Variants in AGBL4 observed in about 807,000 individuals in gnomAD.
AGBL4 encodes cytosolic carboxypeptidase 6.
In AGBL4, 58 loss-of-function variants were observed where a neutral mutation model predicts 66.4. The observed-to-expected ratio is 0.87, with a 90% confidence interval of 0.71 to 1.09. AGBL4 has a LOEUF of 1.09. Ranked by LOEUF, AGBL4 falls within the 50% of genes least tolerant of loss-of-function variation. The pLI is 0.00. For synonymous variants in AGBL4, 234 were observed against 222.9 expected (o/e 1.05, Z -0.44); for missense variants, 579 against 631.0 (o/e 0.92, Z 0.88).
chr1:48,897,174 A>G (rs993905849), intron 5 of AGBL4, among the ~76,000 whole-genome samples: 3 of 152,222 alleles, frequency 2.0e-5, no homozygotes, highest in Middle Eastern at 3.4e-3. Flanking sequence ...GTAACCACCA[A>G]TGTACTCTGT....
chr1:49,429,218 C>T (rs577138331), intron 3 of AGBL4, among the ~76,000 whole-genome samples: 8 of 152,226 alleles, frequency 5.3e-5, no homozygotes, highest in African/African-American at 7.2e-5. Context: ...GTGTCCATAA[C>T]AGCTCAGTCT....
chr1:48,717,536 G>A (rs542262224), intron 6 of AGBL4, among the ~76,000 whole-genome samples: 4 of 152,154 alleles, frequency 2.6e-5, no homozygotes, highest in Non-Finnish European at 2.9e-5. Flanking sequence ...GTGTGTGTGC[G>A]CGCGTGCATG....
chr1:49,896,834 A>T (rs1362992825), intron 1 of AGBL4, among the ~76,000 whole-genome samples: 2 of 152,078 alleles, frequency 1.3e-5, no homozygotes, highest in African/African-American at 4.8e-5. Context: ...GATACATCAT[A>T]TAAACAGAAT....
At chr1:49,557,961 C>T (rs1367762368) in intron 3 of AGBL4, among the ~76,000 whole-genome samples, 1 of 151,742 alleles carries the variant, frequency 6.6e-6, no homozygotes, top group African/African-American at 2.4e-5. Flanking sequence ...CATAATAGGG[C>T]ACCAGTTAAG....
chr1:49,214,112 T>C (rs1648888755), intron 4 of AGBL4, among the ~76,000 whole-genome samples: 1 of 152,116 alleles, frequency 6.6e-6, no homozygotes, highest in African/African-American at 2.4e-5. Context: ...GACAGACACA[T>C]AAACAGAGTT....
At chr1:49,809,308 C>A (rs1645045714) in intron 2 of AGBL4, among the ~76,000 whole-genome samples, 1 of 131,442 alleles carries the variant, frequency 7.6e-6, no homozygotes, top group Non-Finnish European at 1.6e-5. Context: ...CCTCCCCCCT[C>A]CCCCCACGAC....
At chr1:49,996,411 T>A (rs7550208) in intron 1 of AGBL4, among the ~76,000 whole-genome samples, 48,133 of 151,690 alleles carry the variant, frequency 0.32, 8,397 homozygotes, top group East Asian at 0.73. Flanking sequence ...CTTAGAGAAA[T>A]GCAAAATACA....
chr1:49,907,487 T>C (rs1300641055), intron 1 of AGBL4, among the ~76,000 whole-genome samples: 1 of 152,160 alleles, frequency 6.6e-6, no homozygotes, highest in Non-Finnish European at 1.5e-5. Flanking sequence ...TTCCATTAAA[T>C]TTCATTAAAT....
chr1:49,450,866 C>T (rs1436864238), intron 3 of AGBL4, among the ~76,000 whole-genome samples: 2 of 152,124 alleles, frequency 1.3e-5, no homozygotes, highest in East Asian at 1.9e-4. Flanking sequence ...CATCTGTATT[C>T]GTTTTCCATT....
chr1:48,842,539 G>C (rs1482027598), intron 6 of AGBL4, among the ~76,000 whole-genome samples: 3 of 152,166 alleles, frequency 2.0e-5, no homozygotes, highest in Non-Finnish European at 2.9e-5. Flanking sequence ...GGACATAAGA[G>C]AGAGAAGAGA....
intron 4 of AGBL4, among the ~76,000 whole-genome samples, chr1:49,136,790 A>G (rs998067651): frequency 6.6e-6 from 1 of 152,138 alleles, no homozygotes; most frequent in African/African-American, 2.4e-5. Flanking sequence ...ATGGCTGGCA[A>G]GGATAATGGT....
intron 6 of AGBL4, among the ~76,000 whole-genome samples, chr1:48,846,352 GAGAA>G (rs1436961552): frequency 2.6e-5 from 3 of 116,198 alleles, no homozygotes; most frequent in Admixed American, 9.8e-5. Flanking sequence ...GAAAAGAAAG[GAGAA>G]AGAAAGAAGA....
intron 4 of AGBL4, among the ~76,000 whole-genome samples, chr1:49,132,710 A>C (rs1408073968): frequency 6.6e-6 from 1 of 152,240 alleles, no homozygotes; most frequent in Non-Finnish European, 1.5e-5. Flanking sequence ...CACCAGTTAG[A>C]ATAGCAATCA....
In AGBL4 at chr1:48,736,882, T is replaced by C. The variant is rs1319628668; in HGVS notation, c.635-73641A>G. On this transcript the variant is annotated intron_variant, in intron 6 of 13. Coordinates refer to ENST00000371839, the MANE Select transcript of AGBL4 (RefSeq NM_032785.4). This position sits in a 1 kb window ranked among gnomAD's most constrained non-coding sequence, Gnocchi z 4.0. The stretch of plus-strand genomic sequence containing the variant: ...CTTAACTTCTTTCTGTGTTACACTA[T>C]GGAAAGACCCACCTTCCTTTAATGT... 1.3e-5 allele frequency among the ~76,000 whole-genome samples: 2 copies of C among 152,170 alleles called. No homozygotes were observed. The highest frequency in any genetic ancestry group is 6.5e-5 in the Admixed American group (1 of 15,282).
chr1:49,976,687 A>G (rs1658584490), intron 1 of AGBL4, among the ~76,000 whole-genome samples: 1 of 152,248 alleles, frequency 6.6e-6, no homozygotes, highest in Non-Finnish European at 1.5e-5. Context: ...ACAGAGCTTT[A>G]TAATGATGTC....
intron 3 of AGBL4, among the ~76,000 whole-genome samples, chr1:49,502,066 G>T (rs1182398904): frequency 2.0e-5 from 3 of 152,072 alleles, no homozygotes; most frequent in Non-Finnish European, 4.4e-5. Flanking sequence ...GTCATTTTGA[G>T]AAGAATATGT....
In AGBL4 at chr1:48,886,242, G is replaced by A. The variant is rs572177696; in HGVS notation, c.595-19012C>T. ...TAAAGGCAGGGTCTTTCTGAGTGGGGGTCCCGTTCCACTGCACAGGTTGTG... is the reference window on the plus strand; with the variant it reads ...TAAAGGCAGGGTCTTTCTGAGTGGGAGTCCCGTTCCACTGCACAGGTTGTG... On this transcript the variant is annotated intron_variant, in intron 5 of 13. Coordinates refer to ENST00000371839, the MANE Select transcript of AGBL4 (RefSeq NM_032785.4). Among the ~76,000 whole-genome samples the A allele has an allele frequency of 7.6e-4, 116 of 152,240 alleles. 1 individual carries two copies. The highest frequency in any genetic ancestry group is 1.9e-3 in the Admixed American group (29 of 15,300).
chr1:49,109,937 T>C (rs1645373096), intron 4 of AGBL4, among the ~76,000 whole-genome samples: 1 of 152,202 alleles, frequency 6.6e-6, no homozygotes, highest in Non-Finnish European at 1.5e-5. Context: ...ACTCCAATTA[T>C]CTTTTTTCTC....
chr1:49,818,944 C>T (rs1156639887), intron 2 of AGBL4, among the ~76,000 whole-genome samples: 5 of 152,116 alleles, frequency 3.3e-5, no homozygotes, highest in Admixed American at 2.0e-4. Context: ...TGGAAAGAGT[C>T]CAGGCCTTTG....
Sources: allele counts gnomAD v4.1 joint callset (sites outside exome capture counted in the v4.1 genomes callset), GRCh38; gene constraint gnomAD v4.1.1; non-coding constraint Gnocchi (gnomAD v3.1); transcripts MANE v1.5; gene names NCBI Gene and HGNC (gene_info 2026-07-23, HGNC 2026-07-21).